The following CFAP299 variants were observed in gnomAD, a reference collection of about 807,000 sequenced individuals.
CFAP299 encodes cilia- and flagella-associated protein 299.
A neutral mutation model predicts 27.0 loss-of-function variants in CFAP299; 21 were observed. The ratio of observed to expected loss-of-function variants is 0.78; its 90% CI spans 0.55 to 1.12. CFAP299 has a LOEUF of 1.12. CFAP299 is among the 50% of genes most tolerant of loss of function. CFAP299 has a pLI of 0.00. For missense variants in CFAP299, 310 were observed against 276.6 expected (o/e 1.12, Z -0.86); for synonymous variants, 104 against 98.1 (o/e 1.06, Z -0.36).
intron 1 of CFAP299, among the ~76,000 whole-genome samples, chr4:80,348,296 T>C (rs969989233): frequency 6.6e-5 from 10 of 152,074 alleles, no homozygotes; most frequent in African/African-American, 2.4e-4. Flanking sequence ...AATTGACAAA[T>C]GGGATCTCAT....
At chr4:80,682,970 C>G (rs538387040) in intron 3 of CFAP299, among the ~76,000 whole-genome samples, 1 of 152,270 alleles carries the variant, frequency 6.6e-6, no homozygotes, top group African/African-American at 2.4e-5. Flanking sequence ...TTTGCTATAT[C>G]AATTCATCAT....
intron 2 of CFAP299, among the ~76,000 whole-genome samples, chr4:80,537,661 G>A (rs994570573): frequency 6.6e-6 from 1 of 152,056 alleles, no homozygotes; most frequent in Non-Finnish European, 1.5e-5. Context: ...AGAGTTGAAT[G>A]GTGGTTGCTG....
chr4:80,802,170 A>G (rs1181956905), intron 3 of CFAP299, among the ~76,000 whole-genome samples: 2 of 152,088 alleles, frequency 1.3e-5, no homozygotes, highest in African/African-American at 2.4e-5. Context: ...CACCTGGTGT[A>G]TTTTACAAAA....
Position 80,799,917 on chromosome 4 carries a change from AAT to A in CFAP299, c.334-70067_334-70066del, listed in dbSNP as rs1311204356. On this transcript the variant is annotated intron_variant, in intron 3 of 5. Coordinates refer to ENST00000358105, the MANE Select transcript of CFAP299 (RefSeq NM_152770.3). ...AATTATATATTATAATATAATATATAATATATATATTTATATATTATATTATA... is the reference window on the plus strand; with the variant it reads ...AATTATATATTATAATATAATATATAATATATATTTATATATTATATTATA... 4.5e-3 allele frequency among the ~76,000 whole-genome samples: 199 copies of A among 44,242 alleles called. 6 individuals carry two copies. The highest frequency in any genetic ancestry group is 6.5e-3 in the Non-Finnish European group (175 of 27,030). 29.0% of individuals were successfully genotyped at this position (44,242 alleles called of 152,430 possible).
At chr4:80,646,730 C>T (rs564726456) in intron 3 of CFAP299, among the ~76,000 whole-genome samples, 1 of 152,182 alleles carries the variant, frequency 6.6e-6, no homozygotes, top group South Asian at 2.1e-4. Context: ...ATAGTTTGTT[C>T]TTTCTACCTT....
At chr4:80,810,173 A>G (rs1254449007) in intron 3 of CFAP299, among the ~76,000 whole-genome samples, 1 of 152,022 alleles carries the variant, frequency 6.6e-6, no homozygotes, top group Non-Finnish European at 1.5e-5. Context: ...CTGACAAGCA[A>G]TGTTTTAATT....
chr4:80,862,724 A>G (rs141066141), intron 3 of CFAP299, among the ~76,000 whole-genome samples: 211 of 152,282 alleles, frequency 1.4e-3, no homozygotes, highest in African/African-American at 4.9e-3. Flanking sequence ...TTCTGAGCCC[A>G]AGCCTCCAAC....
At chr4:80,870,292 G>A in intron 4 of CFAP299, 157 bp downstream of exon 4, 1 of 1,251,324 alleles carries the variant, frequency 8.0e-7, no homozygotes, top group Middle Eastern at 3.1e-4. Flanking sequence ...TAAGGAATAA[G>A]CATAGATGCA....
At chr4:80,950,795 C>G (rs1737738751) in intron 5 of CFAP299, among the ~76,000 whole-genome samples, 1 of 152,126 alleles carries the variant, frequency 6.6e-6, no homozygotes, top group African/African-American at 2.4e-5. Flanking sequence ...GGCATTGGTA[C>G]TTTTCAAAAA....
chr4:80,322,200 A>G, the CFAP299 span, among the ~76,000 whole-genome samples: 1 of 152,332 alleles, frequency 6.6e-6, no homozygotes, highest in South Asian at 2.1e-4. Context: ...TCCCATTTAT[A>G]CACCTGTGTA....
intron 2 of CFAP299, among the ~76,000 whole-genome samples, chr4:80,410,365 A>AT (rs1726661180): frequency 6.6e-6 from 1 of 152,166 alleles, no homozygotes; most frequent in Non-Finnish European, 1.5e-5. Flanking sequence ...GTGCAGGGAA[A>AT]TACCCTATAT....
chr4:80,363,658 G>A (rs1560530865), intron 2 of CFAP299, among the ~76,000 whole-genome samples: 1 of 152,140 alleles, frequency 6.6e-6, no homozygotes, highest in African/African-American at 2.4e-5. Flanking sequence ...TTGGGAATAT[G>A]CAATTAGAAG....
chr4:80,871,134 T>C, intron 4 of CFAP299: 1 of 780,846 alleles, frequency 1.3e-6, no homozygotes, highest in Non-Finnish European at 1.6e-6. Flanking sequence ...CTCAAACTCC[T>C]GACCTCAGGT....
chr4:80,528,492 G>A (rs1355655243), intron 2 of CFAP299, among the ~76,000 whole-genome samples: 1 of 152,066 alleles, frequency 6.6e-6, no homozygotes, highest in East Asian at 1.9e-4. Context: ...CAGCTGCCAG[G>A]ATGATATTGG....
At chr4:80,438,711 A>G (rs1237812490) in intron 2 of CFAP299, among the ~76,000 whole-genome samples, 1 of 152,082 alleles carries the variant, frequency 6.6e-6, no homozygotes, top group Non-Finnish European at 1.5e-5. Flanking sequence ...CTTTTTTCTC[A>G]ATTGTAATTT....
At chr4:80,342,222 C>T (rs899952051) in intron 1 of CFAP299, among the ~76,000 whole-genome samples, 9 of 152,086 alleles carry the variant, frequency 5.9e-5, no homozygotes, top group South Asian at 2.1e-4. Context: ...CTGGAAGAAC[C>T]GAACCAAGTT....
chr4:80,644,382 CT>C (rs1739881525), intron 3 of CFAP299, among the ~76,000 whole-genome samples: 1 of 151,972 alleles, frequency 6.6e-6, no homozygotes, highest in African/African-American at 2.4e-5. Flanking sequence ...AATGAGTACA[CT>C]TTTTTAAATT....
intron 2 of CFAP299, among the ~76,000 whole-genome samples, chr4:80,496,925 G>A (rs1219933511): frequency 2.0e-5 from 3 of 152,082 alleles, no homozygotes; most frequent in Admixed American, 1.3e-4. Context: ...AGGTGCCACA[G>A]TTTTAAATGA....
chr4:80,670,949 C>T (rs1428310784), intron 3 of CFAP299, among the ~76,000 whole-genome samples: 1 of 152,210 alleles, frequency 6.6e-6, no homozygotes, highest in Non-Finnish European at 1.5e-5. Context: ...TGCCTGTTCA[C>T]TCTGATGGTA....
Sources: allele counts gnomAD v4.1 joint callset (sites outside exome capture counted in the v4.1 genomes callset), GRCh38; gene constraint gnomAD v4.1.1; transcripts MANE v1.5; gene names NCBI Gene and HGNC (gene_info 2026-07-23, HGNC 2026-07-21).